EFNA5: variants seen among roughly 807,000 people sequenced by gnomAD.
EFNA5 encodes the protein ephrin A5.
In EFNA5, 5 loss-of-function variants were observed where a neutral mutation model predicts 22.9. That is an observed-to-expected ratio of 0.22 (90% confidence interval 0.11 to 0.46). The LOEUF is 0.46. Among genes scored for constraint, EFNA5 ranks in the 20% least tolerant of loss-of-function variants. The probability of loss-of-function intolerance (pLI) is 0.99; values close to 1 mark genes in which losing one functional copy is unlikely to be tolerated. For missense variants in EFNA5, 237 were observed against 293.3 expected (o/e 0.81, Z 1.40); for synonymous variants, 113 against 112.2 (o/e 1.01, Z -0.04).
chr5:107,670,441 G>A, intron 1 of EFNA5, 48 bp downstream of exon 1: 8 of 1,514,396 alleles, frequency 5.3e-6, no homozygotes, highest in African/African-American at 4.3e-5. Context: ...CCTTCCGCAG[G>A]GCCCCGAGGC....
intron 1 of EFNA5, among the ~76,000 whole-genome samples, chr5:107,469,807 T>C (rs115357482): frequency 1.6e-3 from 251 of 152,218 alleles, no homozygotes; most frequent in African/African-American, 5.7e-3. Context: ...CACACACAAA[T>C]ACCAGAAAGA....
chr5:107,400,454 G>A (rs189074955), intron 2 of EFNA5, among the ~76,000 whole-genome samples: 165 of 152,130 alleles, frequency 1.1e-3, no homozygotes, highest in Non-Finnish European at 2.0e-3. Context: ...CCACCTAATC[G>A]AAAGCTATCT....
chr5:107,602,981 C>T (rs768780144), intron 1 of EFNA5, among the ~76,000 whole-genome samples: 3 of 152,168 alleles, frequency 2.0e-5, no homozygotes, highest in African/African-American at 7.2e-5. Context: ...CTACAGACCT[C>T]GAAGGCTCCC....
chr5:107,462,727 A>C (rs947328573), intron 1 of EFNA5, among the ~76,000 whole-genome samples: 1 of 152,182 alleles, frequency 6.6e-6, no homozygotes, highest in Non-Finnish European at 1.5e-5. Context: ...CCTGTTCCCC[A>C]AGATGGAAAA....
intron 1 of EFNA5, among the ~76,000 whole-genome samples, chr5:107,525,762 G>A (rs1747683352): frequency 6.6e-6 from 1 of 152,088 alleles, no homozygotes; most frequent in Non-Finnish European, 1.5e-5. Flanking sequence ...GATGGCAGAG[G>A]CAGAAGAGGT....
chr5:107,661,244 T>C (rs1181338275), intron 1 of EFNA5, among the ~76,000 whole-genome samples: 2 of 152,114 alleles, frequency 1.3e-5, no homozygotes, highest in Admixed American at 6.5e-5. Flanking sequence ...ACATGTTGAA[T>C]AAAATTATTG....
chr5:107,389,752 A>G (rs2112489999), intron 2 of EFNA5, among the ~76,000 whole-genome samples: 1 of 152,352 alleles, frequency 6.6e-6, no homozygotes, highest in South Asian at 2.1e-4. Flanking sequence ...AGTTCTCTCC[A>G]TGAGCTCTCA....
At chr5:107,483,670 G>A (rs1750544542) in intron 1 of EFNA5, among the ~76,000 whole-genome samples, 1 of 152,134 alleles carries the variant, frequency 6.6e-6, no homozygotes, top group Non-Finnish European at 1.5e-5. Flanking sequence ...ACTTACAAAA[G>A]TTTTATCTTA....
intron 1 of EFNA5, among the ~76,000 whole-genome samples, chr5:107,632,072 C>T (rs1383272044): frequency 6.6e-6 from 1 of 152,258 alleles, no homozygotes; most frequent in Non-Finnish European, 1.5e-5. Context: ...CCAGTAATGG[C>T]AGGCACCAGC....
At chr5:107,518,889 G>A (rs1347356625) in intron 1 of EFNA5, among the ~76,000 whole-genome samples, 2 of 152,128 alleles carry the variant, frequency 1.3e-5, no homozygotes, top group Non-Finnish European at 2.9e-5. Context: ...TGTATTTCCA[G>A]TCATTGAGAG....
intron 1 of EFNA5, among the ~76,000 whole-genome samples, chr5:107,551,903 T>A (rs961892030): frequency 5.9e-5 from 9 of 151,754 alleles, no homozygotes; most frequent in East Asian, 5.8e-4. Flanking sequence ...ATATGTAAGC[T>A]TTTAAAAAAA....
At position 107,381,282 on chromosome 5, in the gene EFNA5, G is replaced by C; in HGVS notation, c.660C>G (p.Phe220Leu). The change falls in exon 5 of 5, where the codon TTC (phenylalanine) becomes TTG (leucine). Residue 220 changes from phenylalanine (F) to leucine (L), a missense_variant. Coordinates refer to ENST00000333274, the MANE Select transcript of EFNA5 (RefSeq NM_001962.3). ...ATAATGTCAAAAGCATCGCCAGGAG[G>C]AACAGTAGGATTGCCAAAAGGCGGC... The part of the protein sequence containing the change: ...IPSRLLAILL[F>L]LLAMLLTL 2.5e-6 allele frequency: 4 copies of C among 1,613,988 alleles called. No homozygotes were observed. Among genetic ancestry groups the C allele is most frequent in the South Asian group, 1.1e-5 (1 of 91,058 alleles).
At chr5:107,475,922 T>C (rs1750272458) in intron 1 of EFNA5, among the ~76,000 whole-genome samples, 1 of 150,548 alleles carries the variant, frequency 6.6e-6, no homozygotes, top group Admixed American at 6.6e-5. Context: ...CAAAATATTT[T>C]ACAAGAGTGA....
At chr5:107,562,959 C>A (rs1214473372) in intron 1 of EFNA5, among the ~76,000 whole-genome samples, 4 of 152,058 alleles carry the variant, frequency 2.6e-5, no homozygotes. Flanking sequence ...TTATAAAATA[C>A]ACAAAAAGGA....
intron 2 of EFNA5, among the ~76,000 whole-genome samples, chr5:107,410,879 C>T (rs1748349034): frequency 6.6e-6 from 1 of 152,076 alleles, no homozygotes; most frequent in South Asian, 2.1e-4. Context: ...CAGTCTATTG[C>T]ATGTCTTATA....
At chr5:107,479,433 C>G (rs1462213041) in intron 1 of EFNA5, among the ~76,000 whole-genome samples, 2 of 151,676 alleles carry the variant, frequency 1.3e-5, no homozygotes, top group Non-Finnish European at 2.9e-5. Context: ...CACAAATGCA[C>G]TGACCTCAAT....
rs140741551 is a variant in EFNA5, at chr5:107,461,424, C to T, written c.126-33915G>A. On this transcript the variant is annotated intron_variant, in intron 1 of 4. Coordinates refer to ENST00000333274, the MANE Select transcript of EFNA5 (RefSeq NM_001962.3). ...ACTGAGTTCAAGCCCCAAACAGCAT[C>T]TTTGGGAATCCAGCCGATATACCCC... Among the ~76,000 whole-genome samples the T allele has an allele frequency of 2.7e-3, 408 of 152,196 alleles. 2 individuals carry two copies. Among genetic ancestry groups the T allele is most frequent in the South Asian group, 6.4e-3 (31 of 4,826 alleles).
chr5:107,516,339 A>G (rs1747481089), intron 1 of EFNA5, among the ~76,000 whole-genome samples: 1 of 151,926 alleles, frequency 6.6e-6, no homozygotes, highest in Non-Finnish European at 1.5e-5. Context: ...TGCCTGGTTG[A>G]GTTTTATTTT....
chr5:107,633,633 C>T (rs374231311), intron 1 of EFNA5, among the ~76,000 whole-genome samples: 1 of 152,180 alleles, frequency 6.6e-6, no homozygotes. Flanking sequence ...TAAACACCTG[C>T]GTGCCATGTT....
Sources: allele counts gnomAD v4.1 joint callset (sites outside exome capture counted in the v4.1 genomes callset), GRCh38; gene constraint gnomAD v4.1.1; transcripts MANE v1.5; gene names NCBI Gene and HGNC (gene_info 2026-07-23, HGNC 2026-07-21).